MAMDC2: variants seen among roughly 807,000 people sequenced by gnomAD.
MAMDC2 encodes the protein MAM domain-containing protein 2.
Under a neutral mutation model 89.8 loss-of-function variants are expected in MAMDC2, and 57 were observed. The observed-to-expected ratio is 0.63, with a 90% CI of 0.51 to 0.79. The LOEUF (loss-of-function observed/expected upper bound fraction) is 0.79, where lower values mean the gene tolerates loss of function less well. MAMDC2 is among the 30% of genes least tolerant of loss of function. MAMDC2 has a pLI of 0.00. For missense variants in MAMDC2, 800 were observed against 820.6 expected, an observed-to-expected ratio of 0.97 and a Z score of 0.31; for synonymous variants, 313 against 293.4, an observed-to-expected ratio of 1.07 and a Z score of -0.68.
intron 11 of MAMDC2, among the ~76,000 whole-genome samples, chr9:70,210,394 CTT>C (rs1421796270): frequency 6.7e-6 from 1 of 148,402 alleles, no homozygotes; most frequent in Non-Finnish European, 1.5e-5. Context: ...TAATGGCCTT[CTT>C]TGTCTCTTTT....
chr9:70,129,469 C>T (rs913455987), intron 6 of MAMDC2, among the ~76,000 whole-genome samples: 5 of 152,136 alleles, frequency 3.3e-5, no homozygotes, highest in African/African-American at 1.2e-4. Context: ...TTGAAACAGA[C>T]TAATACAGTG....
intron 11 of MAMDC2, chr9:70,217,359 C>T: frequency 7.4e-7 from 1 of 1,352,638 alleles, no homozygotes. Flanking sequence ...CTGTCCTCCA[C>T]AGAAGGAAGC....
intron 9 of MAMDC2, among the ~76,000 whole-genome samples, chr9:70,145,593 T>TGCACACACATACAC (rs1554675495): frequency 3.2e-4 from 48 of 151,900 alleles, no homozygotes; most frequent in African/African-American, 1.1e-3. Flanking sequence ...TGCACACACA[T>TGCACACACATACAC]ACAAGCAAAT....
At chr9:70,205,756 C>T (rs1033331302) in intron 11 of MAMDC2, among the ~76,000 whole-genome samples, 3 of 152,158 alleles carry the variant, frequency 2.0e-5, no homozygotes, top group Admixed American at 1.3e-4. Flanking sequence ...AGACTGGAAT[C>T]CTTCATGTGC....
At chr9:70,151,135 G>A (rs2031567878) in intron 9 of MAMDC2, among the ~76,000 whole-genome samples, 1 of 152,172 alleles carries the variant, frequency 6.6e-6, no homozygotes, top group Admixed American at 6.5e-5. Context: ...CACAGGGGGT[G>A]CCTCCTGCCC....
intron 2 of MAMDC2, among the ~76,000 whole-genome samples, chr9:70,065,156 A>G (rs189228955): frequency 6.6e-6 from 1 of 152,352 alleles, no homozygotes; most frequent in Admixed American, 6.5e-5. Context: ...AACCATGTGT[A>G]TCGGTTTTCT....
rs981121967 is a variant in MAMDC2, at chr9:70,201,789, C to CA, written c.1652-16547dup. Among the ~76,000 whole-genome samples the CA allele has an allele frequency of 7.3e-4, 108 of 147,190 alleles. 1 individual carries two copies. The highest frequency in any genetic ancestry group is 7.1e-3 in the Admixed American group (105 of 14,778). ...TTCCTGGTTTAGTCTTGGGAGAGTG[C>CA]ATGTGTCGAGGAATGTATCCATTTC... On this transcript the variant is annotated intron_variant, in intron 11 of 13. Transcript: ENST00000377182.
In MAMDC2 at chr9:70,106,150, C is replaced by T. The variant is rs1012830803; in HGVS notation, c.149-2061C>T. The T allele has an allele frequency of 2.0e-5, 3 of 152,212 alleles. No individual in the cohort carries two copies. In the East Asian group the frequency reaches 5.8e-4, roughly 29 times the overall value. The allele number at this position is 152,212 out of a possible 1,614,324, so 9.4% of individuals were successfully genotyped here. A position where few individuals can be genotyped will look rare whatever the true frequency, so the allele number is the denominator to read the frequency against. On this transcript the variant is annotated intron_variant, in intron 2 of 13. Transcript: ENST00000377182. The stretch of plus-strand genomic sequence containing the variant: ...GGGGATGTGTATTTGAACAAGATAT[C>T]CAGGTGACTCTGGGCTCAACTTTAA...
At chr9:70,048,241 A>T (rs1407234642) in intron 2 of MAMDC2, among the ~76,000 whole-genome samples, 1 of 152,192 alleles carries the variant, frequency 6.6e-6, no homozygotes, top group African/African-American at 2.4e-5. Context: ...CTTAAGTTTG[A>T]ATTGAATCCG....
intron 2 of MAMDC2, among the ~76,000 whole-genome samples, chr9:70,103,763 C>G (rs1473461108): frequency 6.6e-6 from 1 of 152,018 alleles, no homozygotes; most frequent in Non-Finnish European, 1.5e-5. Flanking sequence ...GGGCAGACTG[C>G]CTGAGCTCAG....
intron 11 of MAMDC2, among the ~76,000 whole-genome samples, chr9:70,183,522 G>C (rs1391896527): frequency 6.6e-6 from 1 of 152,124 alleles, no homozygotes; most frequent in African/African-American, 2.4e-5. Context: ...ATGAATCTGG[G>C]TACTCCTGTA....
chr9:70,130,937 C>T (rs1027167907), intron 6 of MAMDC2, among the ~76,000 whole-genome samples: 2 of 152,138 alleles, frequency 1.3e-5, no homozygotes, highest in Non-Finnish European at 2.9e-5. Context: ...AGGGGCATAT[C>T]CATCAATAAA....
chr9:70,100,448 G>A (rs1167787652), intron 2 of MAMDC2, among the ~76,000 whole-genome samples: 3 of 152,172 alleles, frequency 2.0e-5, no homozygotes, highest in African/African-American at 4.8e-5. Context: ...GAAGATCCTC[G>A]TTTGAGTTCA....
intron 12 of MAMDC2, among the ~76,000 whole-genome samples, chr9:70,222,240 A>G (rs1387837894): frequency 1.3e-5 from 2 of 152,238 alleles, no homozygotes; most frequent in Non-Finnish European, 2.9e-5. Context: ...GAGTTGAGAC[A>G]GAGCAGACCT....
intron 2 of MAMDC2, chr9:70,105,889 G>A (rs1381561950): frequency 2.6e-5 from 4 of 152,190 alleles, no homozygotes; most frequent in African/African-American, 9.6e-5. Flanking sequence ...AATTCGAGTT[G>A]TACCTTCCAG....
chr9:70,047,945 T>G (rs1444876978), intron 2 of MAMDC2, among the ~76,000 whole-genome samples: 5 of 152,222 alleles, frequency 3.3e-5, no homozygotes, highest in Non-Finnish European at 7.3e-5. Flanking sequence ...TCATGGCCAC[T>G]TTAAAATATG....
At chr9:70,103,563 G>A (rs1241213389) in intron 2 of MAMDC2, among the ~76,000 whole-genome samples, 7 of 151,620 alleles carry the variant, frequency 4.6e-5, no homozygotes, top group African/African-American at 9.7e-5. Context: ...GTAAATCTTC[G>A]TGACCTTAAA....
rs1294179880 is a variant in MAMDC2 at position 70,131,506 on chromosome 9, T to C, written c.901-13T>C. 6.3e-6 allele frequency: 10 copies of C among 1,577,276 alleles called. No homozygotes were observed. The highest frequency in any genetic ancestry group is 8.6e-6 in the Non-Finnish European group (10 of 1,163,540). ...TATGTGAACATGTGACAGCATGCCA[T>C]TTTCCTCTGCAGGTTATTTTTGAAG... On this transcript the variant is annotated splice_polypyrimidine_tract_variant and intron_variant, in intron 6 of 13. Transcript: ENST00000377182.
chr9:70,182,309 A>C (rs147053652), intron 11 of MAMDC2, among the ~76,000 whole-genome samples: 10,483 of 152,180 alleles, frequency 0.069, 576 homozygotes, highest in East Asian at 0.22. Context: ...CATTGGCCTG[A>C]AATTTTCTTT....
Sources: gnomAD v4.1 joint callset for allele counts (sites outside exome capture counted in the v4.1 genomes callset) on GRCh38, gnomAD v4.1.1 for gene constraint, MANE v1.5 for transcripts, NCBI Gene and HGNC (gene_info 2026-07-23, HGNC 2026-07-21) for gene names.